DISP1: variants seen among roughly 807,000 people sequenced by gnomAD.
DISP1 encodes the protein protein dispatched homolog 1.
DISP1 carries 30 observed loss-of-function variants against 37.3 expected under a neutral mutation model. The ratio of observed to expected loss-of-function variants is 0.80; its 90% CI spans 0.60 to 1.09. DISP1 has a LOEUF of 1.09. Among genes scored for constraint, DISP1 ranks in the 50% least tolerant of loss-of-function variants. The pLI, the probability that DISP1 is intolerant of heterozygous loss-of-function variation, is 0.00. For missense variants in DISP1, 1,598 were observed against 1,879.5 expected, an observed-to-expected ratio of 0.85 and a Z score of 2.77; for synonymous variants, 634 against 690.2, an observed-to-expected ratio of 0.92 and a Z score of 1.28.
intron 3 of DISP1, among the ~76,000 whole-genome samples, chr1:222,950,606 A>G (rs1675148838): frequency 6.6e-6 from 1 of 152,136 alleles, no homozygotes; most frequent in African/African-American, 2.4e-5. Flanking sequence ...TCTCAAAAAA[A>G]AAAAACCCAT....
chr1:222,922,459 T>C (rs1672858459), intron 1 of DISP1, among the ~76,000 whole-genome samples: 1 of 152,112 alleles, frequency 6.6e-6, no homozygotes, highest in South Asian at 2.1e-4. Flanking sequence ...TGGGAATGAA[T>C]GAACAAGGGT....
chr1:222,891,648 C>T (rs1480271142), intron 1 of DISP1, among the ~76,000 whole-genome samples: 1 of 152,030 alleles, frequency 6.6e-6, no homozygotes, highest in African/African-American at 2.4e-5. Context: ...GGAAACCAAG[C>T]TAGAAGAGAG....
chr1:222,955,548 AT>A, intron 3 of DISP1, among the ~76,000 whole-genome samples: 1 of 152,312 alleles, frequency 6.6e-6, no homozygotes, highest in East Asian at 1.9e-4. Context: ...TCAGCTGTGT[AT>A]GTTGATGGTG....
At chr1:222,944,999 A>G (rs1010242632) in intron 3 of DISP1, among the ~76,000 whole-genome samples, 2 of 143,606 alleles carry the variant, frequency 1.4e-5, no homozygotes, top group Non-Finnish European at 1.5e-5. Context: ...GCAACATAGC[A>G]AAACTCTGTA....
chr1:222,970,794 G>A (rs1487220073), intron 3 of DISP1, among the ~76,000 whole-genome samples: 1 of 152,100 alleles, frequency 6.6e-6, no homozygotes, highest in Non-Finnish European at 1.5e-5. Context: ...TCTAAAAGTT[G>A]TCACATAGTA....
intron 3 of DISP1, among the ~76,000 whole-genome samples, chr1:222,955,410 T>C (rs1215442740): frequency 1.3e-5 from 2 of 152,150 alleles, no homozygotes; most frequent in African/African-American, 4.8e-5. Context: ...ATACAGATAG[T>C]CTGCAACTTA....
chr1:222,903,931 A>G (rs943871225), intron 1 of DISP1, among the ~76,000 whole-genome samples: 6 of 152,182 alleles, frequency 3.9e-5, no homozygotes, highest in Non-Finnish European at 7.4e-5. Context: ...TAAACATCAA[A>G]TTTGTGCTTA....
At chr1:222,906,685 A>G (rs1320423578) in intron 1 of DISP1, among the ~76,000 whole-genome samples, 2 of 152,268 alleles carry the variant, frequency 1.3e-5, no homozygotes, top group Non-Finnish European at 2.9e-5. Flanking sequence ...TGGTCTAAAA[A>G]GAGGAGGCAT....
intron 1 of DISP1, among the ~76,000 whole-genome samples, chr1:222,919,936 C>A (rs140674319): frequency 7.9e-5 from 12 of 152,246 alleles, no homozygotes; most frequent in Middle Eastern, 3.4e-3. Flanking sequence ...TGTGATGTGT[C>A]ATTTTCTTAA....
At chr1:222,903,148 A>G (rs9441939) in intron 1 of DISP1, among the ~76,000 whole-genome samples, 123,325 of 151,272 alleles carry the variant, frequency 0.82, 50,390 homozygotes, top group African/African-American at 0.9. Flanking sequence ...CATGTCCTTT[A>G]TAGGGACATG....
intron 1 of DISP1, among the ~76,000 whole-genome samples, chr1:222,863,079 C>T (rs966852910): frequency 1.3e-5 from 2 of 152,078 alleles, no homozygotes; most frequent in African/African-American, 4.8e-5. Flanking sequence ...GCTGGAAAAC[C>T]ACAGAAGAGA....
chr1:222,878,768 A>G (rs1368363002), intron 1 of DISP1, among the ~76,000 whole-genome samples: 1 of 152,150 alleles, frequency 6.6e-6, no homozygotes, highest in East Asian at 1.9e-4. Context: ...TAACATGTCT[A>G]TAGGTTTTGT....
In DISP1 at chr1:223,003,382, ATCT is replaced by A. The variant is rs1679625164; in HGVS notation, c.1990_1992del (p.Leu664del). On this transcript the variant is annotated inframe_deletion, in exon 9 of 9. Coordinates refer to ENST00000675850, the MANE Select transcript of DISP1 (RefSeq NM_001377229.1). This position sits in a 1 kb window ranked among gnomAD's most constrained non-coding sequence, Gnocchi z 4.3. Reference sequence around the variant, plus strand: ...GCAGTTGTTGTGCTGCATGAGCGGTATCTTCTTAATATATTCACTTGCTTCAAA... The same window carrying A: ...GCAGTTGTTGTGCTGCATGAGCGGTATCTTAATATATTCACTTGCTTCAAA... The A allele has an allele frequency of 6.2e-7, 1 of 1,614,160 alleles. No individual in the cohort carries two copies. The highest frequency in any genetic ancestry group is 8.5e-7 in the Non-Finnish European group (1 of 1,180,054).
chr1:222,913,985 T>C (rs1572496775), intron 1 of DISP1, among the ~76,000 whole-genome samples: 1 of 148,986 alleles, frequency 6.7e-6, no homozygotes, highest in Non-Finnish European at 1.5e-5. Context: ...CATACTGTTA[T>C]ATGTGTTTTT....
rs749754282 is a variant in DISP1, at chr1:223,005,548, A to G, written c.4151A>G (p.His1384Arg). ...VHSLQRSIEE[H>R]LPKMAEPSSF... ...AGTCTTCAGAGGAGCATAGAAGAGC[A>G]TCTTCCAAAGATGGCAGAGCCATCG... Residue 1384 changes from histidine to arginine, a missense_variant, in exon 9 of 9, where the codon CAT becomes CGT. Physicochemically the swap from His to Arg is conservative, Grantham distance 29. Transcript: ENST00000675850. 4.3e-6 allele frequency: 7 copies of G among 1,614,230 alleles called. 1 individual carries two copies. In the South Asian group the frequency reaches 4.4e-5, roughly 10 times the overall value.
intron 1 of DISP1, among the ~76,000 whole-genome samples, chr1:222,883,547 G>A (rs1282988357): frequency 6.6e-6 from 1 of 152,228 alleles, no homozygotes; most frequent in East Asian, 1.9e-4. Flanking sequence ...AACCCGTGAG[G>A]CAAAGGTTGC....
chr1:222,902,405 A>G (rs1671646623), intron 1 of DISP1, among the ~76,000 whole-genome samples: 1 of 152,210 alleles, frequency 6.6e-6, no homozygotes, highest in Admixed American at 6.5e-5. Context: ...CAAGGACTTC[A>G]TGTCTAAAAC....
intron 1 of DISP1, among the ~76,000 whole-genome samples, chr1:222,895,640 C>A (rs972264554): frequency 7.9e-5 from 12 of 152,106 alleles, no homozygotes; most frequent in African/African-American, 2.9e-4. Flanking sequence ...AATAAAGAGT[C>A]CTGAAAGACT....
chr1:222,855,889 C>A (rs1230376140), intron 1 of DISP1, among the ~76,000 whole-genome samples: 11 of 130,428 alleles, frequency 8.4e-5, no homozygotes, highest in African/African-American at 3.0e-4. Context: ...ACAAGACCAT[C>A]ATTCTCCAGT....
Sources: gnomAD v4.1 joint callset for allele counts (sites outside exome capture counted in the v4.1 genomes callset) on GRCh38, gnomAD v4.1.1 for gene constraint, Gnocchi (gnomAD v3.1) non-coding constraint, MANE v1.5 for transcripts, NCBI Gene and HGNC (gene_info 2026-07-23, HGNC 2026-07-21) for gene names.